SIPA1L1: variants seen among roughly 807,000 people sequenced by gnomAD.
The protein encoded by SIPA1L1 is signal induced proliferation associated 1 like 1, also known as signal-induced proliferation-associated 1-like protein 1.
Under a neutral mutation model 162.7 loss-of-function variants are expected in SIPA1L1, and 26 were observed. The ratio of observed to expected loss-of-function variants is 0.16; its 90% CI spans 0.12 to 0.22. SIPA1L1 has a LOEUF of 0.22. Ranked by LOEUF, SIPA1L1 falls within the 10% of genes least tolerant of loss-of-function variation. The pLI is 1.00. For missense variants in SIPA1L1, 1,874 were observed against 2,241.0 expected, an observed-to-expected ratio of 0.84 and a Z score of 3.31; for synonymous variants, 829 against 837.4, an observed-to-expected ratio of 0.99 and a Z score of 0.17.
intron 2 of SIPA1L1, among the ~76,000 whole-genome samples, chr14:71,389,765 T>G (rs2040599836): frequency 6.6e-6 from 1 of 152,164 alleles, no homozygotes; most frequent in Admixed American, 6.5e-5. Flanking sequence ...GTTCCTCACA[T>G]TTAGTAGAGA....
chr14:71,488,699 T>C (rs2048976151), intron 2 of SIPA1L1, among the ~76,000 whole-genome samples: 1 of 152,220 alleles, frequency 6.6e-6, no homozygotes, highest in Non-Finnish European at 1.5e-5. Flanking sequence ...ACTGAGACTC[T>C]TGGTCAGTGT....
At chr14:71,712,069 A>G (rs2082912625) in intron 17 of SIPA1L1, among the ~76,000 whole-genome samples, 1 of 152,232 alleles carries the variant, frequency 6.6e-6, no homozygotes, top group Non-Finnish European at 1.5e-5. Context: ...AACTAAAATC[A>G]CAGCAAATTA....
chr14:71,487,512 G>C (rs2048869069), intron 2 of SIPA1L1, among the ~76,000 whole-genome samples: 1 of 152,176 alleles, frequency 6.6e-6, no homozygotes, highest in South Asian at 2.1e-4. Context: ...TGGTGTGTTA[G>C]AGCTATTCCT....
At chr14:71,354,059 G>A (rs559100629) in intron 2 of SIPA1L1, among the ~76,000 whole-genome samples, 6 of 151,612 alleles carry the variant, frequency 4.0e-5, no homozygotes, top group South Asian at 2.1e-4. Flanking sequence ...TTTTTTCCCC[G>A]TTTCTCTGAG....
intron 2 of SIPA1L1, among the ~76,000 whole-genome samples, chr14:71,372,567 T>C (rs76088535): frequency 0.018 from 2,686 of 152,278 alleles, 39 homozygotes; most frequent in African/African-American, 0.026. Flanking sequence ...AGGAGCATTA[T>C]GTAAGGAATT....
intron 2 of SIPA1L1, among the ~76,000 whole-genome samples, chr14:71,426,502 T>C (rs569963410): frequency 1.9e-4 from 27 of 145,832 alleles, no homozygotes; most frequent in South Asian, 4.5e-4. Flanking sequence ...TTTTTTTTTT[T>C]CCCAAAGACA....
chr14:71,326,866 C>G (rs1385434741), intron 2 of SIPA1L1, among the ~76,000 whole-genome samples: 35 of 150,994 alleles, frequency 2.3e-4, no homozygotes, highest in Non-Finnish European at 4.7e-4. Flanking sequence ...CGTGTGCCAC[C>G]ACACCCAGCT....
chr14:71,620,280 G>T (rs2039291555), intron 6 of SIPA1L1, among the ~76,000 whole-genome samples: 1 of 152,102 alleles, frequency 6.6e-6, no homozygotes, highest in Non-Finnish European at 1.5e-5. Flanking sequence ...TGTTGGTCTG[G>T]CTGGTCTCGA....
intron 2 of SIPA1L1, among the ~76,000 whole-genome samples, chr14:71,387,248 CAAAAAAAAAAA>C (rs398025583): frequency 3.9e-4 from 21 of 53,860 alleles, no homozygotes; most frequent in African/African-American, 1.8e-3. Flanking sequence ...AACTCTGTCT[CAAAAAAAAAAA>C]AAAAAAAAAA....
intron 4 of SIPA1L1, among the ~76,000 whole-genome samples, chr14:71,559,065 C>CT (rs113879891): frequency 2.3e-3 from 325 of 141,238 alleles, no homozygotes; most frequent in Admixed American, 2.8e-3. Flanking sequence ...TTCAGCTTTA[C>CT]TTTTTTTTTT....
chr14:71,639,811 T>C (rs1391635528), intron 7 of SIPA1L1, among the ~76,000 whole-genome samples: 3 of 152,208 alleles, frequency 2.0e-5, no homozygotes, highest in Non-Finnish European at 4.4e-5. Flanking sequence ...GGTGTAAAAG[T>C]AATTCAGTGG....
At chr14:71,707,010 G>A (rs2082491807) in intron 16 of SIPA1L1, among the ~76,000 whole-genome samples, 2 of 150,584 alleles carry the variant, frequency 1.3e-5, no homozygotes, top group African/African-American at 2.5e-5. Flanking sequence ...ACGCCAGCCT[G>A]GGTGACAGAT....
intron 2 of SIPA1L1, among the ~76,000 whole-genome samples, chr14:71,356,461 T>G (rs2037249217): frequency 6.7e-6 from 1 of 149,736 alleles, no homozygotes; most frequent in African/African-American, 2.5e-5. Context: ...GCCAGGCACG[T>G]GGCTCATGCC....
At chr14:71,534,031 C>T (rs899508913) in intron 4 of SIPA1L1, among the ~76,000 whole-genome samples, 7 of 151,018 alleles carry the variant, frequency 4.6e-5, no homozygotes, top group Admixed American at 2.0e-4. Flanking sequence ...TTGAGACCAG[C>T]CTGGGCAATA....
intron 5 of SIPA1L1, among the ~76,000 whole-genome samples, chr14:71,604,072 C>G (rs958638407): frequency 6.7e-6 from 1 of 148,568 alleles, no homozygotes; most frequent in Non-Finnish European, 1.5e-5. Context: ...TCTCAGCTAA[C>G]TGCAACCTCT....
chr14:71,588,590 C>T lies in SIPA1L1; in HGVS notation c.718C>T (p.Pro240Ser), dbSNP rs747938800. 1.2e-6 allele frequency: 2 copies of T among 1,614,052 alleles called. No individual in the cohort carries two copies. The highest frequency in any genetic ancestry group is 1.7e-6 in the Non-Finnish European group (2 of 1,179,966). Residue 240 changes from proline (P) to serine (S), a missense_variant, in exon 5 of 24, where the codon CCA becomes TCA. Transcript: ENST00000381232. The surrounding 1 kb of genome is among the most constrained non-coding windows in gnomAD (Gnocchi z 4.3). ...TGACAAATCTGATCGAGGTCCAACT[C>T]CAACCAAGCTCAGTGACTTTCTCAT... ...KDDKSDRGPT[P>S]TKLSDFLITG...
At chr14:71,479,155 C>G (rs1056846295) in intron 2 of SIPA1L1, among the ~76,000 whole-genome samples, 3 of 152,058 alleles carry the variant, frequency 2.0e-5, no homozygotes, top group Admixed American at 1.3e-4. Context: ...TTGGTAGTAC[C>G]TTGAGATTCA....
chr14:71,671,365 C>T lies in SIPA1L1; in HGVS notation c.2502C>T (p.Phe834=), dbSNP rs755929619. Reference sequence around the variant, plus strand: ...TCGACCCTTCTGGCAAGTTTCCGTTCATCTCTCTGGCTTCCAAGAAGAAGG... The same window carrying T: ...TCGACCCTTCTGGCAAGTTTCCGTTTATCTCTCTGGCTTCCAAGAAGAAGG... ...TPIDPSGKFP[F]ISLASKKKEK... is the part of the protein sequence containing the mutation. Residue 834 remains phenylalanine (F), a synonymous_variant, in exon 11 of 24, where the codon TTC becomes TTT. Transcript: ENST00000381232. 8 of 1,614,172 alleles carry T rather than the reference C, an allele frequency of 5.0e-6. No homozygotes were observed. Among genetic ancestry groups the T allele is most frequent in the South Asian group, 1.1e-5 (1 of 91,072 alleles).
chr14:71,545,902 A>C (rs1328285088), intron 4 of SIPA1L1, among the ~76,000 whole-genome samples: 9 of 152,062 alleles, frequency 5.9e-5, no homozygotes, highest in Non-Finnish European at 1.2e-4. Flanking sequence ...GAAATTTAAG[A>C]CCAGCCTGGG....
Sources: allele counts gnomAD v4.1 joint callset (sites outside exome capture counted in the v4.1 genomes callset), GRCh38; gene constraint gnomAD v4.1.1; non-coding constraint Gnocchi (gnomAD v3.1); transcripts MANE v1.5; gene names NCBI Gene and HGNC (gene_info 2026-07-23, HGNC 2026-07-21).